Variants in PBRM1 observed in about 807,000 individuals in gnomAD.
PBRM1 encodes the protein polybromo 1, also known as protein polybromo-1.
Under a neutral mutation model 194.5 loss-of-function variants are expected in PBRM1, and 27 were observed. That is an observed-to-expected ratio of 0.14 (90% CI 0.10 to 0.19). The LOEUF (loss-of-function observed/expected upper bound fraction) is 0.19. PBRM1 is among the 10% of genes least tolerant of loss of function. The probability of loss-of-function intolerance (pLI) is 1.00; values close to 1 mark genes in which losing one functional copy is unlikely to be tolerated. For missense variants in PBRM1, 1,466 were observed against 2,077.2 expected, an observed-to-expected ratio of 0.71 and a Z score of 5.72; for synonymous variants, 655 against 693.2, an observed-to-expected ratio of 0.94 and a Z score of 0.87.
intron 20 of PBRM1, among the ~76,000 whole-genome samples, chr3:52,581,438 A>C (rs1189555084): frequency 1.3e-5 from 2 of 150,432 alleles, no homozygotes; most frequent in Non-Finnish European, 2.9e-5. Flanking sequence ...TGAACTCATG[A>C]GGCGGAGGTT....
intron 5 of PBRM1, among the ~76,000 whole-genome samples, chr3:52,652,352 C>A (rs1223413246): frequency 1.3e-5 from 2 of 150,008 alleles, no homozygotes; most frequent in Non-Finnish European, 1.5e-5. Context: ...CCATTATACT[C>A]CAGCCTGGGG....
At chr3:52,553,454 AGGAGG>A (rs2081439341) in intron 27 of PBRM1, among the ~76,000 whole-genome samples, 1 of 150,788 alleles carries the variant, frequency 6.6e-6, no homozygotes, top group African/African-American at 2.4e-5. Flanking sequence ...ATCTACAGCT[AGGAGG>A]GTAGGCTAGG....
At position 52,634,486 on chromosome 3, in the gene PBRM1, A is replaced by T; in HGVS notation, c.1301+116T>A. ...ATGAACAGTTAAAATTTGAGGTTAA[A>T]AAAAAACACCATTTTTACCTTTAAT... On this transcript the variant is annotated intron_variant, in intron 11 of 29. Coordinates refer to ENST00000296302, the Ensembl canonical transcript of PBRM1. The T allele has an allele frequency of 5.5e-6, 4 of 724,070 alleles. No homozygotes were observed. The South Asian group carries it at 7.9e-5, about 14-fold the overall frequency. The allele number at this position is 724,070 out of a possible 1,614,324, so 44.9% of individuals were successfully genotyped here. A position where few individuals can be genotyped will look rare whatever the true frequency, so the allele number is the denominator to read the frequency against.
intron 27 of PBRM1, among the ~76,000 whole-genome samples, chr3:52,551,126 T>G (rs374292543): frequency 5.9e-5 from 9 of 152,372 alleles, no homozygotes; most frequent in African/African-American, 2.2e-4. Context: ...TACCTCTACA[T>G]TCAAGGTGTT....
intron 11 of PBRM1, among the ~76,000 whole-genome samples, chr3:52,634,048 T>C (rs1051820729): frequency 6.6e-6 from 1 of 152,196 alleles, no homozygotes; most frequent in Admixed American, 6.5e-5. Context: ...GTTTCAACTA[T>C]AGATACATAA....
At chr3:52,685,482 C>G (rs2097297663) in intron 1 of PBRM1, 1 of 152,118 alleles carries the variant, frequency 6.6e-6, no homozygotes, top group African/African-American at 2.4e-5. Context: ...AGCTTTGAAG[C>G]TGCCCCGCGA....
intron 17 of PBRM1, among the ~76,000 whole-genome samples, chr3:52,592,293 G>C (rs1192208829): frequency 6.6e-6 from 1 of 151,796 alleles, no homozygotes; most frequent in Non-Finnish European, 1.5e-5. Flanking sequence ...CACCACACCT[G>C]GCTAATTTTT....
At chr3:52,594,464 G>A (rs140099639) in intron 17 of PBRM1, among the ~76,000 whole-genome samples, 2 of 152,276 alleles carry the variant, frequency 1.3e-5, no homozygotes, top group Non-Finnish European at 2.9e-5. Context: ...GCTTATGGGT[G>A]TCATTATGGG....
intron 16 of PBRM1, among the ~76,000 whole-genome samples, chr3:52,605,029 G>T (rs1414373054): frequency 6.6e-6 from 1 of 151,536 alleles, no homozygotes; most frequent in African/African-American, 2.4e-5. Context: ...TCAGACTTTA[G>T]AATTTTGACT....
chr3:52,651,187 G>C (rs2096483017), intron 6 of PBRM1, among the ~76,000 whole-genome samples: 2 of 152,210 alleles, frequency 1.3e-5, no homozygotes, highest in Admixed American at 1.3e-4. Flanking sequence ...TACATAGCAA[G>C]TCTATGTGAG....
At chr3:52,603,684 A>T in exon 17 of PBRM1, 1 of 1,611,526 alleles carries the variant, frequency 6.2e-7, no homozygotes, top group Non-Finnish European at 8.5e-7. Context: ...GAATTTTAAT[A>T]AAAAACTGCT....
chr3:52,648,321 A>G, intron 7 of PBRM1, 23 bp downstream of exon 8: 1 of 1,396,490 alleles, frequency 7.2e-7, no homozygotes, highest in Middle Eastern at 1.8e-4. Context: ...GAAAACAACA[A>G]CAACAACAAC....
chr3:52,635,930 C>G (rs1426886106), intron 10 of PBRM1, among the ~76,000 whole-genome samples: 2 of 152,060 alleles, frequency 1.3e-5, no homozygotes, highest in African/African-American at 2.4e-5. Flanking sequence ...GTGGCGTGAT[C>G]CTGGCTCACT....
At chr3:52,657,226 G>A (rs571414669) in intron 5 of PBRM1, among the ~76,000 whole-genome samples, 23 of 152,216 alleles carry the variant, frequency 1.5e-4, no homozygotes, top group African/African-American at 5.3e-4. Context: ...GGTGATGGTT[G>A]CATAAAAATG....
intron 29 of PBRM1, among the ~76,000 whole-genome samples, chr3:52,549,499 G>A (rs1575444588): frequency 6.6e-6 from 1 of 151,996 alleles, no homozygotes; most frequent in Non-Finnish European, 1.5e-5. Context: ...CCAAATGCCT[G>A]AAAAACAAAA....
At chr3:52,624,844 C>A in intron 13 of PBRM1, 53 bp downstream of exon 15, 1 of 1,200,030 alleles carries the variant, frequency 8.3e-7, no homozygotes, top group Non-Finnish European at 1.2e-6. Flanking sequence ...ACTGATCATG[C>A]CACAGAAGAT....
chr3:52,634,256 G>T (rs996578965), intron 11 of PBRM1, among the ~76,000 whole-genome samples: 1 of 151,958 alleles, frequency 6.6e-6, no homozygotes, highest in Non-Finnish European at 1.5e-5. Context: ...GGCCAAAGTG[G>T]TGAAACCCAG....
chr3:52,637,794 A>AAAAAAAAAAAAAAAAAAAAAT (rs2095880521), intron 10 of PBRM1, among the ~76,000 whole-genome samples: 1 of 147,886 alleles, frequency 6.8e-6, no homozygotes, highest in Non-Finnish European at 1.5e-5. Context: ...AAAAAAAAAA[A>AAAAAAAAAAAAAAAAAAAAAT]AAATTAGCCG....
intron 15 of PBRM1, among the ~76,000 whole-genome samples, chr3:52,611,412 T>C (rs539540912): frequency 4.6e-4 from 70 of 152,300 alleles, no homozygotes; most frequent in Middle Eastern, 3.4e-3. Context: ...TTTTTCTGCC[T>C]AAGGGAGAGA....
Sources: gnomAD v4.1 joint callset for allele counts (sites outside exome capture counted in the v4.1 genomes callset) on GRCh38, gnomAD v4.1.1 for gene constraint, MANE v1.5 for transcripts, NCBI Gene and HGNC (gene_info 2026-07-23, HGNC 2026-07-21) for gene names.